Variants in DOCK3 observed in about 807,000 individuals in gnomAD.
DOCK3 encodes dedicator of cytokinesis protein 3.
A neutral mutation model predicts 265.6 loss-of-function variants in DOCK3; 60 were observed. That is an observed-to-expected ratio of 0.23 (90% confidence interval 0.18 to 0.28). The LOEUF (loss-of-function observed/expected upper bound fraction) is 0.28, where lower values mean the gene tolerates loss of function less well. Among genes scored for constraint, DOCK3 ranks in the 10% least tolerant of loss-of-function variants. DOCK3 has a pLI of 1.00. For missense variants in DOCK3, 1,981 were observed against 2,594.3 expected (o/e 0.76, Z 5.14); for synonymous variants, 881 against 938.0 (o/e 0.94, Z 1.11).
intron 9 of DOCK3, among the ~76,000 whole-genome samples, chr3:51,102,791 A>G (rs191927358): frequency 9.8e-5 from 15 of 152,356 alleles, no homozygotes; most frequent in Non-Finnish European, 2.1e-4. Flanking sequence ...AATATAAAAT[A>G]TATACAATTA....
At chr3:51,248,341 C>T (rs1488532730) in intron 22 of DOCK3, among the ~76,000 whole-genome samples, 3 of 152,256 alleles carry the variant, frequency 2.0e-5, no homozygotes, top group South Asian at 2.1e-4. Context: ...TGCAGGCGCG[C>T]GCTGCCACGC....
chr3:51,356,643 T>C (rs1169789631), intron 43 of DOCK3, 150 bp downstream of exon 43: 1 of 768,704 alleles, frequency 1.3e-6, no homozygotes, highest in Non-Finnish European at 2.1e-6. Context: ...AGGATCTTTG[T>C]GTACCTTCTC....
Position 51,374,410 on chromosome 3 carries a change from T to C in DOCK3, c.5294-59T>C. The C allele has an allele frequency of 6.6e-7, 1 of 1,524,256 alleles. No individual in the cohort carries two copies. The highest frequency in any genetic ancestry group is 9.0e-7 in the Non-Finnish European group (1 of 1,114,890). The allele number at this position is 1,524,256 out of a possible 1,614,324, so 94.4% of individuals were successfully genotyped here. A position where few individuals can be genotyped will look rare whatever the true frequency, so the allele number is the denominator to read the frequency against. On this transcript the variant is annotated intron_variant, in intron 49 of 52. Transcript: ENST00000266037. This position sits in a 1 kb window ranked among gnomAD's most constrained non-coding sequence, Gnocchi z 4.8. Reference sequence around the variant, plus strand: ...TTCCCTAGTCCTGAGGATGCTTGACTGCTGGACCCTCCATCTGTGGCTTGT... The same window carrying C: ...TTCCCTAGTCCTGAGGATGCTTGACCGCTGGACCCTCCATCTGTGGCTTGT...
intron 9 of DOCK3, among the ~76,000 whole-genome samples, chr3:51,112,451 G>A (rs1173203228): frequency 1.3e-5 from 2 of 152,182 alleles, no homozygotes; most frequent in African/African-American, 4.8e-5. Flanking sequence ...CTTTTAGATG[G>A]TGGAATTAAT....
chr3:50,979,876 A>C (rs60420261), intron 5 of DOCK3, among the ~76,000 whole-genome samples: 3,804 of 152,196 alleles, frequency 0.025, 182 homozygotes, highest in African/African-American at 0.087. Flanking sequence ...CTTTTTCTAT[A>C]TATGTAAGGT....
rs1337119020 is a variant in DOCK3, at chr3:51,227,418, C to T, written c.1513C>T (p.Leu505=). ...IPIDRFRGSH[L]RFEFRHCSTK... ...CATTGACCGGTTCCGGGGCTCCCAC[C>T]TGCGCTTTGAGTTCAGACATTGTTC... Residue 505 remains leucine (L), a synonymous_variant, in exon 16 of 53, where the codon CTG becomes TTG. Coordinates refer to ENST00000266037, the MANE Select transcript of DOCK3 (RefSeq NM_004947.5). The T allele has an allele frequency of 6.2e-7, 1 of 1,613,690 alleles. No homozygotes were observed. Among genetic ancestry groups the T allele is most frequent in the African/African-American group, 1.3e-5 (1 of 74,914 alleles).
intron 1 of DOCK3, among the ~76,000 whole-genome samples, chr3:50,736,598 T>C (rs1317148562): frequency 6.6e-6 from 1 of 152,156 alleles, no homozygotes; most frequent in African/African-American, 2.4e-5. Flanking sequence ...CCATTCTAAC[T>C]GGTGTGAGAT....
intron 1 of DOCK3, 82 bp from the exon 2 acceptor site, chr3:50,778,593 A>C: frequency 9.8e-7 from 1 of 1,022,300 alleles, no homozygotes; most frequent in Non-Finnish European, 1.5e-6. Context: ...CATTTAAGAA[A>C]ATTTAGTGCT....
chr3:50,772,738 G>T (rs1298393136), intron 1 of DOCK3, among the ~76,000 whole-genome samples: 1 of 152,156 alleles, frequency 6.6e-6, no homozygotes, highest in African/African-American at 2.4e-5. Flanking sequence ...CCACAGAGGT[G>T]AAAGATTTCT....
chr3:50,790,094 G>C (rs1326784077), intron 2 of DOCK3, among the ~76,000 whole-genome samples: 1 of 152,112 alleles, frequency 6.6e-6, no homozygotes, highest in East Asian at 1.9e-4. Flanking sequence ...TTGCTTTAAA[G>C]TTTGTTTCAT....
chr3:50,817,605 A>G (rs2044162828), intron 2 of DOCK3, among the ~76,000 whole-genome samples: 1 of 151,156 alleles, frequency 6.6e-6, no homozygotes. Context: ...CCATATTTTC[A>G]TTTTCTAAGA....
chr3:51,071,686 C>T (rs1374260306), intron 6 of DOCK3, among the ~76,000 whole-genome samples: 1 of 152,184 alleles, frequency 6.6e-6, no homozygotes, highest in African/African-American at 2.4e-5. Flanking sequence ...TACAGACCAG[C>T]CGATCTGACA....
intron 1 of DOCK3, among the ~76,000 whole-genome samples, chr3:50,697,419 G>A (rs545801892): frequency 6.6e-6 from 1 of 151,988 alleles, no homozygotes; most frequent in African/African-American, 2.4e-5. Context: ...GTGAAACCCC[G>A]TCTTTACTAA....
chr3:51,114,149 T>A (rs561351459), intron 9 of DOCK3, among the ~76,000 whole-genome samples: 1 of 151,966 alleles, frequency 6.6e-6, no homozygotes, highest in South Asian at 2.1e-4. Flanking sequence ...ATGGTAGATA[T>A]ATAGAAAGAA....
At chr3:50,833,417 C>G (rs1417501924) in intron 2 of DOCK3, among the ~76,000 whole-genome samples, 1 of 152,116 alleles carries the variant, frequency 6.6e-6, no homozygotes, top group Non-Finnish European at 1.5e-5. Context: ...TAAAGTACAG[C>G]AAGAATAATT....
intron 19 of DOCK3, among the ~76,000 whole-genome samples, chr3:51,230,664 G>A (rs142351093): frequency 2.0e-5 from 3 of 152,160 alleles, no homozygotes; most frequent in Admixed American, 6.5e-5. Flanking sequence ...CTACAGGCGC[G>A]TGCCACCACG....
At chr3:51,042,018 A>G (rs949137606) in intron 5 of DOCK3, among the ~76,000 whole-genome samples, 4 of 152,212 alleles carry the variant, frequency 2.6e-5, no homozygotes, top group African/African-American at 9.6e-5. Context: ...AAGAGCTGGT[A>G]TTATTTCTAC....
At position 51,295,056 on chromosome 3, in the gene DOCK3, G is replaced by GT. The variant is rs545720398; in HGVS notation, c.2922+14853dup. 2.8e-4 allele frequency among the ~76,000 whole-genome samples: 43 copies of GT among 152,264 alleles called. No individual in the cohort carries two copies. In the East Asian group the frequency reaches 8.1e-3, roughly 29 times the overall value. ...TAAAATAAAAATTTTTTAAATCGGTGTAATACACCCTTAAATGGTATAAAG... is the reference window on the plus strand; with the variant it reads ...TAAAATAAAAATTTTTTAAATCGGTGTTAATACACCCTTAAATGGTATAAAG... On this transcript the variant is annotated intron_variant, in intron 27 of 52. Transcript: ENST00000266037.
intron 4 of DOCK3, chr3:50,900,765 G>A (rs1330719228): frequency 2.3e-6 from 1 of 444,124 alleles, no homozygotes; most frequent in South Asian, 1.6e-5. Flanking sequence ...GTTTGCAGGA[G>A]GTCCACTTCA....
Sources: gnomAD v4.1 joint callset for allele counts (sites outside exome capture counted in the v4.1 genomes callset) on GRCh38, gnomAD v4.1.1 for gene constraint, Gnocchi (gnomAD v3.1) non-coding constraint, MANE v1.5 for transcripts, NCBI Gene and HGNC (gene_info 2026-07-23, HGNC 2026-07-21) for gene names.